TMEM212: variants seen among roughly 807,000 people sequenced by gnomAD.
The protein encoded by TMEM212 is transmembrane protein 212.
TMEM212 carries 23 observed loss-of-function variants against 20.5 expected under a neutral mutation model. The observed-to-expected ratio is 1.12, with a 90% CI of 0.81 to 1.59. The LOEUF is 1.59. Ranked by LOEUF, TMEM212 falls within the 40% of genes most tolerant of loss-of-function variation. The pLI is 0.00. For missense variants in TMEM212, 211 were observed against 215.0 expected (o/e 0.98, Z 0.12); for synonymous variants, 76 against 81.6 (o/e 0.93, Z 0.37).
intron 3 of TMEM212, 41 bp downstream of exon 3, chr3:171,853,891 T>G (rs1173653852): frequency 6.9e-6 from 10 of 1,452,910 alleles, no homozygotes; most frequent in Non-Finnish European, 8.3e-6. Flanking sequence ...TGTTCCATCT[T>G]GTATGCTAAA....
intron 1 of TMEM212, among the ~76,000 whole-genome samples, chr3:171,846,483 T>C (rs1215724340): frequency 1.3e-5 from 2 of 152,244 alleles, no homozygotes; most frequent in African/African-American, 4.8e-5. Context: ...TTTTCTATTA[T>C]GTTTACTGCT....
intron 1 of TMEM212, 52 bp from the exon 2 acceptor site, chr3:171,851,930 T>C: frequency 6.7e-7 from 1 of 1,484,952 alleles, no homozygotes; most frequent in South Asian, 1.2e-5. Flanking sequence ...TTGAACTCTT[T>C]CCAGAGGTAC....
At chr3:171,856,204 G>A (rs1256079167) in intron 3 of TMEM212, among the ~76,000 whole-genome samples, 1 of 152,154 alleles carries the variant, frequency 6.6e-6, no homozygotes, top group Non-Finnish European at 1.5e-5. Flanking sequence ...ATAGTGAATT[G>A]TAAAAATAAC....
At chr3:171,853,362 T>G (rs879282098) in intron 2 of TMEM212, among the ~76,000 whole-genome samples, 165 bp from the exon 3 acceptor site, 1 of 152,144 alleles carries the variant, frequency 6.6e-6, no homozygotes, top group Non-Finnish European at 1.5e-5. Context: ...AGGGACATTT[T>G]TAAGGGAAAA....
chr3:171,845,760 GCAGGACCCTCAGCCAGC>G (rs1349240550), intron 1 of TMEM212, among the ~76,000 whole-genome samples: 1 of 152,130 alleles, frequency 6.6e-6, no homozygotes, highest in Non-Finnish European at 1.5e-5. Flanking sequence ...GAGGTCAAAA[GCAGGACCCTCAGCCAGC>G]CAGTTCCTCA....
intron 1 of TMEM212, among the ~76,000 whole-genome samples, chr3:171,847,673 G>A (rs6769442): frequency 0.25 from 38,632 of 151,970 alleles, 5,119 homozygotes; most frequent in African/African-American, 0.3. Flanking sequence ...GGTAAAAGTC[G>A]GTGGATGGAA....
Position 171,858,086 on chromosome 3 carries a change from G to C in TMEM212, c.*29G>C, listed in dbSNP as rs1725158799. On this transcript the variant is annotated 3_prime_UTR_variant, in exon 5 of 5. Coordinates refer to ENST00000334567, the MANE Select transcript of TMEM212 (RefSeq NM_001164436.2). ...AATTGGAAAAAACTAAAGTTCATATGGGACCAAAAAAGAGCCCGCATACCC... is the reference window on the plus strand; with the variant it reads ...AATTGGAAAAAACTAAAGTTCATATCGGACCAAAAAAGAGCCCGCATACCC... The C allele has an allele frequency of 6.6e-6, 1 of 152,030 alleles. No individual in the cohort carries two copies. The highest frequency in any genetic ancestry group is 2.4e-5 in the African/African-American group (1 of 41,336). The allele number at this position is 152,030 out of a possible 1,614,324, so 9.4% of individuals were successfully genotyped here.
At chr3:171,853,503 A>C (rs1414903227) in intron 2 of TMEM212, 24 bp from the exon 3 acceptor site, 1 of 1,522,388 alleles carries the variant, frequency 6.6e-7, no homozygotes, top group Non-Finnish European at 8.8e-7. Context: ...CCAAAGTAAC[A>C]ATTTATTTTT....
At chr3:171,854,631 A>G (rs2108382265) in intron 3 of TMEM212, among the ~76,000 whole-genome samples, 1 of 152,342 alleles carries the variant, frequency 6.6e-6, no homozygotes, top group East Asian at 1.9e-4. Flanking sequence ...TTTTTCACAG[A>G]AATAGAACAC....
chr3:171,856,891 A>T (rs1350831798), intron 4 of TMEM212, 184 bp downstream of exon 4: 5 of 411,516 alleles, frequency 1.2e-5, no homozygotes. Context: ...TAGTACTATG[A>T]AGCTGAAGGC....
intron 3 of TMEM212, among the ~76,000 whole-genome samples, chr3:171,855,911 T>G (rs1352749096): frequency 6.6e-6 from 1 of 152,148 alleles, no homozygotes; most frequent in Non-Finnish European, 1.5e-5. Context: ...AACACAAAGA[T>G]GTTGATTTTG....
At chr3:171,855,998 T>C (rs1487096188) in intron 3 of TMEM212, among the ~76,000 whole-genome samples, 1 of 152,114 alleles carries the variant, frequency 6.6e-6, no homozygotes, top group Admixed American at 6.6e-5. Flanking sequence ...GGAAAAAGTA[T>C]ACAAATAAAA....
chr3:171,852,861 C>G (rs1318344993), intron 2 of TMEM212, among the ~76,000 whole-genome samples: 1 of 152,180 alleles, frequency 6.6e-6, no homozygotes, highest in East Asian at 1.9e-4. Flanking sequence ...ACATGTAAAT[C>G]AACTAGAGAT....
chr3:171,853,845 A>C lies in TMEM212; in HGVS notation c.538A>C (p.Ile180Leu). The part of the protein sequence containing the change: ...LSARLIQNGH[I>L]NMQLPAGNPN... The stretch of plus-strand genomic sequence containing the variant: ...TGCAAGACTTATCCAGAATGGACAC[A>C]TAAACGTAAGTTTCAACAAAGGGGA... The change falls in exon 3 of 5, where the codon ATA becomes CTA. Residue 180 changes from isoleucine to leucine, a missense_variant. Transcript: ENST00000334567. The C allele has an allele frequency of 6.5e-7, 1 of 1,532,722 alleles. No homozygotes were observed. Among genetic ancestry groups the C allele is most frequent in the Non-Finnish European group, 8.7e-7 (1 of 1,143,748 alleles). The allele number at this position is 1,532,722 out of a possible 1,614,324, so 94.9% of individuals were successfully genotyped here. A position where few individuals can be genotyped will look rare whatever the true frequency, so the allele number is the denominator to read the frequency against.
intron 1 of TMEM212, 105 bp from the exon 2 acceptor site, chr3:171,851,877 G>A: frequency 9.9e-7 from 1 of 1,007,966 alleles, no homozygotes; most frequent in Admixed American, 2.0e-5. Flanking sequence ...GTCATTTTCT[G>A]TTCCTTCAAG....
At chr3:171,855,641 T>C (rs534425879) in intron 3 of TMEM212, among the ~76,000 whole-genome samples, 82 of 152,258 alleles carry the variant, frequency 5.4e-4, no homozygotes, top group African/African-American at 1.9e-3. Flanking sequence ...ACATGACACA[T>C]AAAAGCATAC....
intron 4 of TMEM212, among the ~76,000 whole-genome samples, chr3:171,857,840 TG>T (rs372116353): frequency 2.6e-5 from 4 of 151,522 alleles, no homozygotes; most frequent in African/African-American, 9.8e-5. Flanking sequence ...AAAACCACAA[TG>T]AAATATCACT....
In TMEM212 at chr3:171,843,412, G is replaced by A. The variant is rs377114413; in HGVS notation, c.29G>A (p.Arg10Gln). Reference protein sequence around the residue: MKGLYQAAGRILVTLGILSV... With the variant: MKGLYQAAGQILVTLGILSV... ...AAGGGCCTCTACCAGGCTGCTGGCC[G>A]GATTCTTGTTACTCTGGGGATCCTC... Residue 10 changes from arginine to glutamine, a missense_variant, in exon 1 of 5, where the codon CGG (arginine) becomes CAG (glutamine). Coordinates refer to ENST00000334567, the MANE Select transcript of TMEM212 (RefSeq NM_001164436.2). The A allele has an allele frequency of 5.9e-5, 90 of 1,536,264 alleles. No homozygotes were observed. Among genetic ancestry groups the A allele is most frequent in the Admixed American group, 4.3e-4 (22 of 50,932 alleles).
chr3:171,844,837 A>G (rs956289580), intron 1 of TMEM212, among the ~76,000 whole-genome samples: 2 of 152,206 alleles, frequency 1.3e-5, no homozygotes, highest in East Asian at 3.8e-4. Context: ...TACTTATTAG[A>G]TAAATATTTA....
Sources: allele counts gnomAD v4.1 joint callset (sites outside exome capture counted in the v4.1 genomes callset), GRCh38; gene constraint gnomAD v4.1.1; transcripts MANE v1.5; gene names NCBI Gene and HGNC (gene_info 2026-07-23, HGNC 2026-07-21).